The following TWSG1 variants were observed in gnomAD, a reference collection of about 807,000 sequenced individuals.
TWSG1 encodes twisted gastrulation BMP signaling modulator 1.
TWSG1 carries 15 observed loss-of-function variants against 23.0 expected under a neutral mutation model. The observed-to-expected ratio is 0.65, with a 90% CI of 0.44 to 1.00. The LOEUF is 1.00. TWSG1 is among the 50% of genes least tolerant of loss of function. The probability of loss-of-function intolerance (pLI) is 0.00; values close to 1 mark genes in which losing one functional copy is unlikely to be tolerated. For synonymous variants in TWSG1, 86 were observed against 92.8 expected, an observed-to-expected ratio of 0.93 and a Z score of 0.42; for missense variants, 242 against 278.7, an observed-to-expected ratio of 0.87 and a Z score of 0.94.
intron 2 of TWSG1, among the ~76,000 whole-genome samples, chr18:9,351,770 G>T (rs947664285): frequency 6.6e-6 from 1 of 151,792 alleles, no homozygotes; most frequent in Non-Finnish European, 1.5e-5. Context: ...TCAGCCTCCT[G>T]AGTAGCTGGG....
chr18:9,374,828 G>T (rs1198838656), intron 3 of TWSG1, among the ~76,000 whole-genome samples: 1 of 152,276 alleles, frequency 6.6e-6, no homozygotes, highest in Admixed American at 6.5e-5. Context: ...GACCAAGTGG[G>T]ATATATCCCA....
At chr18:9,385,665 C>T (rs1215086444) in intron 3 of TWSG1, among the ~76,000 whole-genome samples, 2 of 28,290 alleles carry the variant, frequency 7.1e-5, no homozygotes, top group South Asian at 9.8e-4. Context: ...GTCCGCAGTC[C>T]GACCTGGGCG....
intron 3 of TWSG1, among the ~76,000 whole-genome samples, chr18:9,370,492 A>T (rs1355452551): frequency 6.6e-6 from 1 of 152,160 alleles, no homozygotes; most frequent in Non-Finnish European, 1.5e-5. Context: ...ATAATGCCTT[A>T]TGTACTTTTT....
At chr18:9,356,575 A>G (rs1370702139) in intron 2 of TWSG1, among the ~76,000 whole-genome samples, 1 of 152,212 alleles carries the variant, frequency 6.6e-6, no homozygotes, top group African/African-American at 2.4e-5. Context: ...AGGAGAGACT[A>G]TATTCTTTGA....
intron 3 of TWSG1, chr18:9,388,485 T>A (rs956672351): frequency 6.6e-6 from 1 of 152,224 alleles, no homozygotes; most frequent in African/African-American, 2.4e-5. Context: ...CATTGTGAAT[T>A]TGCTACAGAA....
chr18:9,378,643 C>A (rs2040642020), intron 3 of TWSG1, among the ~76,000 whole-genome samples: 1 of 152,116 alleles, frequency 6.6e-6, no homozygotes, highest in African/African-American at 2.4e-5. Flanking sequence ...GAAGAACATT[C>A]TATGCTCTTG....
intron 3 of TWSG1, among the ~76,000 whole-genome samples, chr18:9,378,789 A>G (rs534202448): frequency 6.6e-6 from 1 of 151,882 alleles, no homozygotes; most frequent in South Asian, 2.1e-4. Flanking sequence ...TGGGCAACTT[A>G]ACGAAATACC....
At chr18:9,377,433 G>A (rs749421240) in intron 3 of TWSG1, among the ~76,000 whole-genome samples, 10 of 149,804 alleles carry the variant, frequency 6.7e-5, no homozygotes, top group Admixed American at 2.0e-4. Context: ...TGGCCAGGTT[G>A]GTCTCGAACT....
chr18:9,338,351 C>T (rs1378627765), intron 2 of TWSG1, among the ~76,000 whole-genome samples: 2 of 152,258 alleles, frequency 1.3e-5, no homozygotes, highest in African/African-American at 4.8e-5. Context: ...GTTTGCTGTT[C>T]AGTTTTTAAC....
chr18:9,370,581 C>T (rs546483577), intron 3 of TWSG1, among the ~76,000 whole-genome samples: 15 of 152,116 alleles, frequency 9.9e-5, no homozygotes, highest in South Asian at 2.1e-4. Context: ...TTAAAGACAC[C>T]GAAGACTAGA....
rs1568037259 is a variant in TWSG1 at position 9,376,846 on chromosome 18, A to AG, written c.223+16775_223+16776insG. Among the ~76,000 whole-genome samples the AG allele has an allele frequency of 6.6e-5, 10 of 151,952 alleles. No individual in the cohort carries two copies. In the South Asian group the frequency reaches 1.9e-3, roughly 29 times the overall value. On this transcript the variant is annotated intron_variant, in intron 3 of 4. Coordinates refer to ENST00000262120, the MANE Select transcript of TWSG1 (RefSeq NM_020648.6). ...AACCCTGTCTCCAAAAAAAAAAAAA[A>AG]AAAAGTATTAGGCCTATGATGGTTA... is the stretch of plus-strand genomic sequence containing the variant.
chr18:9,395,808 C>G (rs992727389), intron 3 of TWSG1, among the ~76,000 whole-genome samples: 2 of 152,168 alleles, frequency 1.3e-5, no homozygotes, highest in African/African-American at 4.8e-5. Flanking sequence ...CTGAAGTGAT[C>G]CTCCCACCTT....
chr18:9,335,152 T>C (rs1434753231), intron 1 of TWSG1, among the ~76,000 whole-genome samples: 1 of 152,144 alleles, frequency 6.6e-6, no homozygotes, highest in East Asian at 1.9e-4. Context: ...AGACCATCTC[T>C]GGGCCGGCCC....
chr18:9,340,260 C>G (rs1053794960), intron 2 of TWSG1, among the ~76,000 whole-genome samples: 10 of 144,818 alleles, frequency 6.9e-5, no homozygotes, highest in Admixed American at 2.9e-4. Flanking sequence ...CCCAGCTACT[C>G]GGGAGGCTGA....
Position 9,399,690 on chromosome 18 carries a change from A to C in TWSG1, c.*163A>C. ...ATATGACATAGCCAGTGATGTGTTT[A>C]ATTATATAACTGTTCTTACTGATTT... On this transcript the variant is annotated 3_prime_UTR_variant, in exon 5 of 5. Coordinates refer to ENST00000262120, the MANE Select transcript of TWSG1 (RefSeq NM_020648.6). 4.9e-6 allele frequency: 3 copies of C among 617,124 alleles called. No homozygotes were observed. Among genetic ancestry groups the C allele is most frequent in the Non-Finnish European group, 5.4e-6 (2 of 371,338 alleles). 38.2% of individuals were successfully genotyped at this position (617,124 alleles called of 1,614,324 possible).
At chr18:9,351,630 T>G (rs1568032351) in intron 2 of TWSG1, among the ~76,000 whole-genome samples, 2 of 151,530 alleles carry the variant, frequency 1.3e-5, no homozygotes, top group Admixed American at 6.6e-5. Context: ...GGGTTTTTTT[T>G]TTTTTTTTTG....
At chr18:9,366,458 G>A (rs80054939) in intron 3 of TWSG1, among the ~76,000 whole-genome samples, 76 of 152,334 alleles carry the variant, frequency 5.0e-4, no homozygotes, top group African/African-American at 1.8e-3. Flanking sequence ...CCACCTAGTG[G>A]ATCAAATGTT....
chr18:9,359,928 A>G (rs761417756), intron 2 of TWSG1, 44 bp from the exon 3 acceptor site: 2 of 1,521,450 alleles, frequency 1.3e-6, no homozygotes, highest in South Asian at 2.3e-5. Context: ...AGTTTTATAT[A>G]TGATTATTTG....
chr18:9,350,838 C>T (rs1052355225), intron 2 of TWSG1, among the ~76,000 whole-genome samples: 1 of 152,074 alleles, frequency 6.6e-6, no homozygotes, highest in African/African-American at 2.4e-5. Flanking sequence ...TGATGCCCTC[C>T]TTAAAGAGTA....
Sources: gnomAD v4.1 joint callset for allele counts (sites outside exome capture counted in the v4.1 genomes callset) on GRCh38, gnomAD v4.1.1 for gene constraint, MANE v1.5 for transcripts, NCBI Gene and HGNC (gene_info 2026-07-23, HGNC 2026-07-21) for gene names.